Variants in SH3BGRL2 observed in about 807,000 individuals in gnomAD.
SH3BGRL2 encodes SH3 domain-binding glutamic acid-rich-like protein 2.
SH3BGRL2 carries 21 observed loss-of-function variants against 14.8 expected under a neutral mutation model. The observed-to-expected ratio is 1.42, with a 90% CI of 1.01 to 2.05. SH3BGRL2 has a LOEUF of 2.05. Ranked by LOEUF, SH3BGRL2 falls within the 30% of genes most tolerant of loss-of-function variation. The pLI is 0.00. For missense variants in SH3BGRL2, 147 were observed against 130.8 expected, an observed-to-expected ratio of 1.12 and a Z score of -0.61; for synonymous variants, 50 against 47.8, an observed-to-expected ratio of 1.05 and a Z score of -0.19.
the SH3BGRL2 span, among the ~76,000 whole-genome samples, chr6:79,587,236 G>T: frequency 6.6e-6 from 1 of 152,068 alleles, no homozygotes; most frequent in Non-Finnish European, 1.5e-5. Context: ...AGAATTTTTA[G>T]TATAAAAGGA....
chr6:79,638,056 G>A (rs1323746078), intron 1 of SH3BGRL2, among the ~76,000 whole-genome samples: 3 of 152,066 alleles, frequency 2.0e-5, no homozygotes, highest in Non-Finnish European at 2.9e-5. Flanking sequence ...TATATATAAT[G>A]TATAGTGATC....
chr6:79,571,402 C>CT, the SH3BGRL2 span, among the ~76,000 whole-genome samples: 21 of 152,172 alleles, frequency 1.4e-4, no homozygotes, highest in Non-Finnish European at 2.8e-4. Context: ...GTCAAAATCA[C>CT]TTTTTTCTGG....
At chr6:79,685,087 T>C (rs914378136) in intron 2 of SH3BGRL2, among the ~76,000 whole-genome samples, 2 of 152,222 alleles carry the variant, frequency 1.3e-5, no homozygotes, top group African/African-American at 4.8e-5. Context: ...TGTCTATAAA[T>C]GTTTAATCTC....
At chr6:79,688,212 C>A (rs1384007804) in intron 2 of SH3BGRL2, among the ~76,000 whole-genome samples, 87 of 147,942 alleles carry the variant, frequency 5.9e-4, no homozygotes, top group African/African-American at 1.7e-3. Context: ...AAAAAAAAAA[C>A]AAAAACAAAA....
the SH3BGRL2 span, among the ~76,000 whole-genome samples, chr6:79,589,205 TA>T: frequency 1.3e-3 from 85 of 64,456 alleles, no homozygotes; most frequent in Middle Eastern, 0.016. Context: ...TATATATATA[TA>T]TTTTTTTTTT....
At chr6:79,581,375 A>G in the SH3BGRL2 span, among the ~76,000 whole-genome samples, 6 of 152,214 alleles carry the variant, frequency 3.9e-5, no homozygotes, top group Admixed American at 6.5e-5. Flanking sequence ...ATGAACATCA[A>G]TGCAAAAATC....
the SH3BGRL2 span, among the ~76,000 whole-genome samples, chr6:79,585,425 T>C: frequency 6.6e-6 from 1 of 152,246 alleles, no homozygotes; most frequent in Admixed American, 6.5e-5. Context: ...CTAACATTTA[T>C]GAAAATTATT....
the SH3BGRL2 span, among the ~76,000 whole-genome samples, chr6:79,625,763 A>G: frequency 6.6e-6 from 1 of 152,218 alleles, no homozygotes; most frequent in Non-Finnish European, 1.5e-5. Context: ...CATCATCTCT[A>G]TTAAGCCTTG....
At chr6:79,695,848 A>G (rs1490295562) in intron 2 of SH3BGRL2, among the ~76,000 whole-genome samples, 1 of 152,254 alleles carries the variant, frequency 6.6e-6, no homozygotes, top group Admixed American at 6.5e-5. Flanking sequence ...AAACAGTTGA[A>G]CAGATTGACC....
chr6:79,542,282 T>TTC, the SH3BGRL2 span, among the ~76,000 whole-genome samples: 1 of 151,586 alleles, frequency 6.6e-6, no homozygotes, highest in Non-Finnish European at 1.5e-5. Context: ...TTTTTTTTTT[T>TTC]CCGAGACAGG....
At chr6:79,655,340 T>C (rs1769384552) in intron 1 of SH3BGRL2, among the ~76,000 whole-genome samples, 3 of 152,148 alleles carry the variant, frequency 2.0e-5, no homozygotes, top group Non-Finnish European at 2.9e-5. Context: ...GGAGACTGCA[T>C]AGGGTTAGTG....
At chr6:79,642,886 T>A (rs1328662687) in intron 1 of SH3BGRL2, among the ~76,000 whole-genome samples, 6 of 152,144 alleles carry the variant, frequency 3.9e-5, no homozygotes, top group Non-Finnish European at 5.9e-5. Flanking sequence ...ATCTGAACAC[T>A]GTGAATTTTG....
At chr6:79,634,112 T>C (rs1768877455) in intron 1 of SH3BGRL2, among the ~76,000 whole-genome samples, 1 of 152,174 alleles carries the variant, frequency 6.6e-6, no homozygotes, top group East Asian at 1.9e-4. Context: ...GCCAAGTAAG[T>C]CCCAGAATTT....
chr6:79,606,384 T>G, the SH3BGRL2 span, among the ~76,000 whole-genome samples: 1 of 152,202 alleles, frequency 6.6e-6, no homozygotes, highest in Non-Finnish European at 1.5e-5. Context: ...TTTCTCCATA[T>G]TGAGAGTTAG....
the SH3BGRL2 span, among the ~76,000 whole-genome samples, chr6:79,612,112 G>A: frequency 1.8e-4 from 27 of 152,104 alleles, no homozygotes; most frequent in Non-Finnish European, 2.5e-4. Context: ...CCTGGCCAAC[G>A]TGGTAAAACC....
chr6:79,672,914 T>C (rs1036819704), intron 1 of SH3BGRL2, among the ~76,000 whole-genome samples: 1 of 152,232 alleles, frequency 6.6e-6, no homozygotes, highest in Non-Finnish European at 1.5e-5. Context: ...CTTTGTTTAC[T>C]CTCACCTTAG....
the SH3BGRL2 span, among the ~76,000 whole-genome samples, chr6:79,613,470 T>TTA: frequency 6.6e-6 from 1 of 152,184 alleles, no homozygotes; most frequent in Admixed American, 6.5e-5. Flanking sequence ...ATGAGTAGAG[T>TTA]TATACCCTTT....
At chr6:79,546,535 A>G in the SH3BGRL2 span, among the ~76,000 whole-genome samples, 1 of 152,192 alleles carries the variant, frequency 6.6e-6, no homozygotes, top group Non-Finnish European at 1.5e-5. Flanking sequence ...AAAGAAGGGA[A>G]GAAACCATAT....
chr6:79,625,237 C>CAT, the SH3BGRL2 span, among the ~76,000 whole-genome samples: 51,009 of 150,274 alleles, frequency 0.34, 8,604 homozygotes, highest in Non-Finnish European at 0.34. Context: ...TATATATACA[C>CAT]ATATATATAT....
Sources: allele counts gnomAD v4.1 joint callset (sites outside exome capture counted in the v4.1 genomes callset), GRCh38; gene constraint gnomAD v4.1.1; transcripts MANE v1.5; gene names NCBI Gene and HGNC (gene_info 2026-07-23, HGNC 2026-07-21).